PIAS2: variants seen among roughly 807,000 people sequenced by gnomAD.
PIAS2 encodes E3 SUMO-protein ligase PIAS2.
In PIAS2, 19 loss-of-function variants were observed where a neutral mutation model predicts 69.7. The observed-to-expected ratio is 0.27, with a 90% CI of 0.19 to 0.40. The LOEUF is 0.40. Among genes scored for constraint, PIAS2 ranks in the 10% least tolerant of loss-of-function variants. PIAS2 has a pLI of 1.00. For missense variants in PIAS2, 624 were observed against 757.0 expected (o/e 0.82, Z 2.06); for synonymous variants, 261 against 263.2 (o/e 0.99, Z 0.08).
intron 3 of PIAS2, among the ~76,000 whole-genome samples, chr18:46,862,634 TACATATATATACACATATATAC>T (rs1467098864): frequency 1.3e-5 from 2 of 152,102 alleles, no homozygotes; most frequent in Non-Finnish European, 2.9e-5. Context: ...CATATATACA[TACATATATATACACATATATAC>T]ACATATATAT....
chr18:46,828,329 A>C (rs1482289504), intron 10 of PIAS2, among the ~76,000 whole-genome samples, 199 bp from the exon 11 acceptor site: 1 of 152,212 alleles, frequency 6.6e-6, no homozygotes, highest in Non-Finnish European at 1.5e-5. Flanking sequence ...CTAGGGAGAC[A>C]GGTGAGCACT....
chr18:46,814,656 C>T (rs2041323033), intron 13 of PIAS2, among the ~76,000 whole-genome samples: 1 of 152,116 alleles, frequency 6.6e-6, no homozygotes, highest in African/African-American at 2.4e-5. Context: ...TCCCTATACT[C>T]AACTCCTCTC....
At chr18:46,855,992 C>CTTTTTT (rs1256937354) in intron 3 of PIAS2, among the ~76,000 whole-genome samples, 66 of 69,094 alleles carry the variant, frequency 9.6e-4, no homozygotes, top group African/African-American at 1.7e-3. Flanking sequence ...TTTTCTTTTT[C>CTTTTTT]TTTTGTTTTT....
At position 46,804,853 on chromosome 18, in the gene PIAS2, C is replaced by G. The variant is rs2040615047; in HGVS notation, c.*7580G>C. The G allele has an allele frequency of 1.3e-5, 2 of 152,192 alleles. No individual in the cohort carries two copies. Among genetic ancestry groups the G allele is most frequent in the Non-Finnish European group, 2.9e-5 (2 of 68,050 alleles). The allele number at this position is 152,192 out of a possible 1,614,324, so 9.4% of individuals were successfully genotyped here. The stretch of plus-strand genomic sequence containing the variant: ...CAATGCCTGGCACCTAATATAATCT[C>G]AAATACTGGATGACTGAGACCATTT... On this transcript the variant is annotated 3_prime_UTR_variant, in exon 14 of 14. Transcript: ENST00000585916.
chr18:46,900,616 G>C (rs1451990266), intron 1 of PIAS2, among the ~76,000 whole-genome samples: 2 of 152,046 alleles, frequency 1.3e-5, no homozygotes, highest in African/African-American at 4.8e-5. Flanking sequence ...GTTTGAGGCT[G>C]CAGTGAGCTA....
rs147243003 is a variant in PIAS2 at position 46,908,879 on chromosome 18, G to A, written c.24+8443C>T. On this transcript the variant is annotated intron_variant, in intron 1 of 13. Coordinates refer to ENST00000585916, the MANE Select transcript of PIAS2 (RefSeq NM_004671.5). The stretch of plus-strand genomic sequence containing the variant: ...CAAATATTAGCCAGGCATGGTGGCG[G>A]GTACCTGTAATCCCAGCTACTCAGA... Among the ~76,000 whole-genome samples, 155 of 152,148 alleles carry A rather than the reference G, an allele frequency of 1.0e-3. 1 individual carries two copies. Among genetic ancestry groups the A allele is most frequent in the African/African-American group, 3.6e-3 (148 of 41,516 alleles).
chr18:46,858,762 A>C (rs762409026), intron 3 of PIAS2, among the ~76,000 whole-genome samples: 32 of 152,176 alleles, frequency 2.1e-4, no homozygotes, highest in Middle Eastern at 3.2e-3. Flanking sequence ...ACTGAGTGAT[A>C]TTCACACATA....
intron 1 of PIAS2, among the ~76,000 whole-genome samples, chr18:46,913,196 A>C (rs1273615559): frequency 6.6e-6 from 1 of 152,142 alleles, no homozygotes. Context: ...TCCCCCATTA[A>C]CTTCCCATTC....
intron 2 of PIAS2, among the ~76,000 whole-genome samples, chr18:46,874,212 C>T (rs935932808): frequency 2.0e-5 from 3 of 152,166 alleles, no homozygotes; most frequent in Non-Finnish European, 4.4e-5. Context: ...TGGAATAGGG[C>T]CATTCCAAAG....
chr18:46,900,997 T>C, intron 1 of PIAS2: 3 of 387,936 alleles, frequency 7.7e-6, no homozygotes, highest in Non-Finnish European at 1.5e-5. Flanking sequence ...AAAATAAAAA[T>C]AAGGAAGAAC....
chr18:46,918,946 T>G (rs1202927028), upstream of PIAS2, among the ~76,000 whole-genome samples: 1 of 151,904 alleles, frequency 6.6e-6, no homozygotes, highest in Non-Finnish European at 1.5e-5. Context: ...TCCATGGTAA[T>G]TATGTAGGTA....
intron 11 of PIAS2, among the ~76,000 whole-genome samples, chr18:46,825,678 T>C (rs2042753200): frequency 6.6e-6 from 1 of 152,200 alleles, no homozygotes; most frequent in African/African-American, 2.4e-5. Flanking sequence ...TGGCATGGTA[T>C]GGATCCTGGA....
At chr18:46,819,081 T>C (rs2041887438) in intron 12 of PIAS2, among the ~76,000 whole-genome samples, 1 of 152,156 alleles carries the variant, frequency 6.6e-6, no homozygotes. Context: ...ATTGTGTCTA[T>C]GCTACTGCTA....
At chr18:46,817,959 A>G (rs921753182) in intron 12 of PIAS2, 30 of 984,720 alleles carry the variant, frequency 3.0e-5, no homozygotes, top group African/African-American at 3.5e-5. Context: ...TTATTTCACC[A>G]TAAGTTTCAA....
intron 2 of PIAS2, among the ~76,000 whole-genome samples, chr18:46,886,195 C>G (rs944925852): frequency 3.9e-5 from 6 of 152,236 alleles, no homozygotes; most frequent in African/African-American, 1.4e-4. Flanking sequence ...CCTCTCTGTC[C>G]TGTGCTTAGC....
chr18:46,829,397 C>T (rs2043271950), intron 10 of PIAS2, among the ~76,000 whole-genome samples: 2 of 152,196 alleles, frequency 1.3e-5, no homozygotes, highest in Non-Finnish European at 2.9e-5. Context: ...CCTAGGGTTC[C>T]ACCTACAGAT....
chr18:46,914,034 G>A (rs1345213548), intron 1 of PIAS2, among the ~76,000 whole-genome samples: 1 of 152,190 alleles, frequency 6.6e-6, no homozygotes, highest in Non-Finnish European at 1.5e-5. Context: ...TTATGATCTT[G>A]TCCCACATTA....
At chr18:46,825,078 A>C (rs1188105459) in intron 11 of PIAS2, among the ~76,000 whole-genome samples, 1 of 152,008 alleles carries the variant, frequency 6.6e-6, no homozygotes, top group African/African-American at 2.4e-5. Context: ...CTGATTTCTC[A>C]TTCTCTGTTC....
At chr18:46,847,218 T>C (rs2046281442) in intron 5 of PIAS2, among the ~76,000 whole-genome samples, 1 of 152,060 alleles carries the variant, frequency 6.6e-6, no homozygotes, top group Non-Finnish European at 1.5e-5. Context: ...CATGCACATA[T>C]TGGAGGTGGG....
Sources: allele counts gnomAD v4.1 joint callset (sites outside exome capture counted in the v4.1 genomes callset), GRCh38; gene constraint gnomAD v4.1.1; transcripts MANE v1.5; gene names NCBI Gene and HGNC (gene_info 2026-07-23, HGNC 2026-07-21).